The following UMAD1 variants were observed in gnomAD, a reference collection of about 807,000 sequenced individuals.
UMAD1 encodes the protein UBAP1-MVB12-associated (UMA)-domain containing protein 1.
Under a neutral mutation model 6.1 loss-of-function variants are expected in UMAD1, and 8 were observed. That is an observed-to-expected ratio of 1.30 (90% CI 0.76 to 2.35). The LOEUF (loss-of-function observed/expected upper bound fraction) is 2.35. UMAD1 is among the 30% of genes most tolerant of loss of function. The probability of loss-of-function intolerance (pLI) is 0.00; values close to 1 mark genes in which losing one functional copy is unlikely to be tolerated. For missense variants in UMAD1, 130 were observed against 78.4 expected (o/e 1.66, Z -2.49); for synonymous variants, 56 against 31.4 (o/e 1.78, Z -2.61).
chr7:7,771,705 G>A (rs531131486), intron 2 of UMAD1, among the ~76,000 whole-genome samples: 1 of 152,184 alleles, frequency 6.6e-6, no homozygotes, highest in East Asian at 1.9e-4. Context: ...AGAAATTAGA[G>A]CAATCAAATA....
At chr7:7,699,101 T>C (rs1780393313) in intron 2 of UMAD1, among the ~76,000 whole-genome samples, 1 of 151,894 alleles carries the variant, frequency 6.6e-6, no homozygotes, top group Non-Finnish European at 1.5e-5. Flanking sequence ...GATCTTTGCC[T>C]GCCTTGGCTT....
chr7:7,663,187 A>G (rs2115093536), intron 1 of UMAD1, among the ~76,000 whole-genome samples: 1 of 151,286 alleles, frequency 6.6e-6, no homozygotes, highest in African/African-American at 2.4e-5. Flanking sequence ...TCCATTAAAA[A>G]AAAAAAGTCT....
intron 3 of UMAD1, among the ~76,000 whole-genome samples, chr7:7,846,361 G>A (rs1783781919): frequency 6.6e-6 from 1 of 152,034 alleles, no homozygotes. Flanking sequence ...TGAACTAACA[G>A]TTTTTGGTCA....
intron 2 of UMAD1, among the ~76,000 whole-genome samples, chr7:7,703,859 T>C (rs1780528240): frequency 1.3e-5 from 2 of 152,052 alleles, no homozygotes; most frequent in Non-Finnish European, 2.9e-5. Context: ...GGAGGATTGC[T>C]TGAGCCTGGG....
intron 1 of UMAD1, among the ~76,000 whole-genome samples, chr7:7,662,269 G>A (rs920552406): frequency 1.3e-5 from 2 of 152,170 alleles, no homozygotes; most frequent in Non-Finnish European, 1.5e-5. Context: ...GATCCACTGA[G>A]CTAGACCACT....
At chr7:7,690,064 A>G (rs1408369957) in intron 2 of UMAD1, among the ~76,000 whole-genome samples, 4 of 152,128 alleles carry the variant, frequency 2.6e-5, no homozygotes, top group Non-Finnish European at 4.4e-5. Flanking sequence ...TAAGCTTGCC[A>G]TTATATTTTC....
At chr7:7,784,837 C>CT (rs1274672307) in intron 2 of UMAD1, among the ~76,000 whole-genome samples, 4 of 137,768 alleles carry the variant, frequency 2.9e-5, no homozygotes, top group Admixed American at 1.6e-4. Flanking sequence ...TCTCGGCTCG[C>CT]TGCAGGCTCC....
At chr7:7,685,520 G>GAT (rs1478892918) in intron 2 of UMAD1, among the ~76,000 whole-genome samples, 3 of 152,048 alleles carry the variant, frequency 2.0e-5, no homozygotes, top group African/African-American at 7.2e-5. Flanking sequence ...CTTTGGCCAG[G>GAT]ATGGTCTCCA....
chr7:7,714,788 G>T (rs1051126992), intron 2 of UMAD1, among the ~76,000 whole-genome samples: 1 of 151,972 alleles, frequency 6.6e-6, no homozygotes, highest in Non-Finnish European at 1.5e-5. Flanking sequence ...CAGGATTTAG[G>T]GTGTTGGGCA....
intron 2 of UMAD1, among the ~76,000 whole-genome samples, chr7:7,784,179 C>T (rs1412283102): frequency 1.3e-5 from 2 of 152,202 alleles, no homozygotes; most frequent in Non-Finnish European, 2.9e-5. Context: ...ACTTTTTAAA[C>T]TCTCTTTTGT....
chr7:7,687,637 A>G (rs990869617), intron 2 of UMAD1, among the ~76,000 whole-genome samples: 8 of 152,220 alleles, frequency 5.3e-5, no homozygotes, highest in African/African-American at 1.9e-4. Context: ...AACATTATTA[A>G]AGAGAATTGC....
At chr7:7,857,058 A>T (rs1264601666) in intron 3 of UMAD1, among the ~76,000 whole-genome samples, 2 of 152,230 alleles carry the variant, frequency 1.3e-5, no homozygotes, top group South Asian at 4.1e-4. Flanking sequence ...GGACTATATC[A>T]CATTATTCGG....
chr7:7,842,627 A>T (rs1783704738), intron 3 of UMAD1, among the ~76,000 whole-genome samples: 1 of 152,126 alleles, frequency 6.6e-6, no homozygotes, highest in Non-Finnish European at 1.5e-5. Context: ...TAAAAAAAAA[A>T]AAAACTAATA....
At chr7:7,838,381 G>T (rs903612316) in intron 3 of UMAD1, among the ~76,000 whole-genome samples, 3 of 152,054 alleles carry the variant, frequency 2.0e-5, no homozygotes, top group Non-Finnish European at 4.4e-5. Flanking sequence ...GACCATACAC[G>T]TATGGAAGAG....
chr7:7,868,743 A>C (rs1425876069), intron 3 of UMAD1: 1 of 152,186 alleles, frequency 6.6e-6, no homozygotes, highest in East Asian at 1.9e-4. Context: ...ACTAACACCT[A>C]GGCCACATGG....
intron 1 of UMAD1, among the ~76,000 whole-genome samples, chr7:7,662,205 G>A (rs1018749826): frequency 6.6e-6 from 1 of 152,144 alleles, no homozygotes; most frequent in Non-Finnish European, 1.5e-5. Context: ...TGCTGTGCTG[G>A]CAGCGATAAT....
intron 3 of UMAD1, among the ~76,000 whole-genome samples, chr7:7,840,987 A>G (rs1252769788): frequency 6.6e-6 from 1 of 152,204 alleles, no homozygotes; most frequent in African/African-American, 2.4e-5. Context: ...CCTAAAGGCT[A>G]AGACAGCTGG....
chr7:7,869,570 C>G (rs1442405024), intron 3 of UMAD1, among the ~76,000 whole-genome samples: 1 of 152,122 alleles, frequency 6.6e-6, no homozygotes, highest in Non-Finnish European at 1.5e-5. Context: ...CAATATTTTG[C>G]TTTTATAGCA....
chr7:7,707,349 C>T (rs952719682), intron 2 of UMAD1, among the ~76,000 whole-genome samples: 23 of 152,090 alleles, frequency 1.5e-4, no homozygotes, highest in Admixed American at 3.3e-4. Context: ...TTTGTAACTA[C>T]GGTACTTTTT....
Sources: gnomAD v4.1 joint callset for allele counts (sites outside exome capture counted in the v4.1 genomes callset) on GRCh38, gnomAD v4.1.1 for gene constraint, MANE v1.5 for transcripts, NCBI Gene and HGNC (gene_info 2026-07-23, HGNC 2026-07-21) for gene names.